TMPRSS7: variants seen among roughly 807,000 people sequenced by gnomAD.
The protein encoded by TMPRSS7 is transmembrane serine protease 7, also known as transmembrane protease serine 7.
Under a neutral mutation model 95.6 loss-of-function variants are expected in TMPRSS7, and 81 were observed. The observed-to-expected ratio is 0.85, with a 90% CI of 0.71 to 1.02. The LOEUF (loss-of-function observed/expected upper bound fraction) is 1.02. TMPRSS7 is among the 50% of genes least tolerant of loss of function. The pLI is 0.00. For missense variants in TMPRSS7, 945 were observed against 955.2 expected (o/e 0.99, Z 0.14); for synonymous variants, 364 against 337.8 (o/e 1.08, Z -0.85).
At chr3:112,072,361 G>A (rs60011279) in intron 13 of TMPRSS7, among the ~76,000 whole-genome samples, 4,668 of 152,260 alleles carry the variant, frequency 0.031, 203 homozygotes, top group African/African-American at 0.091. Flanking sequence ...AGGGGCACCC[G>A]CCTATATGAG....
chr3:112,043,131 G>C (rs957822019), intron 3 of TMPRSS7: 2 of 455,702 alleles, frequency 4.4e-6, no homozygotes, highest in African/African-American at 4.0e-5. Context: ...TGGAGATACT[G>C]TTGTACAAAC....
chr3:112,067,975 A>C (rs1247416765), intron 13 of TMPRSS7, among the ~76,000 whole-genome samples: 1 of 152,236 alleles, frequency 6.6e-6, no homozygotes, highest in African/African-American at 2.4e-5. Context: ...TCTAACATTT[A>C]AATCTTTAAT....
At chr3:112,080,403 G>T (rs968219290) in intron 17 of TMPRSS7, among the ~76,000 whole-genome samples, 1 of 152,134 alleles carries the variant, frequency 6.6e-6, no homozygotes, top group Non-Finnish European at 1.5e-5. Flanking sequence ...AACCACTAAA[G>T]TTGCATGGCC....
chr3:112,038,515 G>C (rs1559950629), intron 2 of TMPRSS7, among the ~76,000 whole-genome samples, 194 bp downstream of exon 2: 2 of 152,144 alleles, frequency 1.3e-5, no homozygotes, highest in South Asian at 4.1e-4. Flanking sequence ...CTGTCACCCA[G>C]GCTGGAGTGT....
intron 7 of TMPRSS7, 64 bp from the exon 8 acceptor site, chr3:112,049,780 A>G: frequency 2.2e-6 from 3 of 1,366,738 alleles, no homozygotes; most frequent in Non-Finnish European, 3.0e-6. Flanking sequence ...AATCGTTTTG[A>G]ATGGAGACCC....
chr3:112,079,246 T>C (rs529820961), intron 17 of TMPRSS7, among the ~76,000 whole-genome samples: 2 of 152,336 alleles, frequency 1.3e-5, no homozygotes, highest in African/African-American at 4.8e-5. Context: ...AAGTATATGC[T>C]GGTGGAAAGA....
At position 112,067,284 on chromosome 3, in the gene TMPRSS7, A is replaced by G. The variant is rs112253805; in HGVS notation, c.1666+782A>G. Among the ~76,000 whole-genome samples the G allele has an allele frequency of 4.1e-3, 629 of 152,350 alleles. 5 individuals carry two copies. The highest frequency in any genetic ancestry group is 0.014 in the African/African-American group (581 of 41,582). On this transcript the variant is annotated intron_variant, in intron 13 of 17. Transcript: ENST00000452346. Reference sequence around the variant, plus strand: ...TTGCTATTGTGAATAGTGCCGCAATAAACATACGTGTGTATGTGTCTTTAT... The same window carrying G: ...TTGCTATTGTGAATAGTGCCGCAATGAACATACGTGTGTATGTGTCTTTAT...
intron 6 of TMPRSS7, 76 bp downstream of exon 6, chr3:112,047,088 T>C (rs972807025): frequency 1.9e-5 from 13 of 691,574 alleles, no homozygotes; most frequent in Non-Finnish European, 5.3e-6. Flanking sequence ...TTCTAATTGA[T>C]GGTATTTGTT....
chr3:112,048,025 C>T, intron 7 of TMPRSS7, 58 bp downstream of exon 7: 1 of 1,518,562 alleles, frequency 6.6e-7, no homozygotes, highest in Non-Finnish European at 9.1e-7. Context: ...CTCTGTTTTA[C>T]AGTATCTGTG....
chr3:112,039,971 G>A (rs1383116688), intron 2 of TMPRSS7, among the ~76,000 whole-genome samples: 1 of 152,170 alleles, frequency 6.6e-6, no homozygotes, highest in Non-Finnish European at 1.5e-5. Context: ...TGTCAGAATT[G>A]AATTGAATCA....
intron 5 of TMPRSS7, among the ~76,000 whole-genome samples, chr3:112,046,455 A>C (rs1256577304): frequency 6.6e-6 from 1 of 152,204 alleles, no homozygotes; most frequent in Non-Finnish European, 1.5e-5. Flanking sequence ...TTTAAATTTT[A>C]TAGATAAAAT....
chr3:112,046,082 C>T (rs2073275039), intron 5 of TMPRSS7, 139 bp downstream of exon 5: 1 of 745,902 alleles, frequency 1.3e-6, no homozygotes, highest in African/African-American at 1.8e-5. Flanking sequence ...TAACTAAAGA[C>T]ATTGGAGCTA....
intron 14 of TMPRSS7, 106 bp downstream of exon 14, chr3:112,074,518 A>G (rs1201202771): frequency 1.2e-6 from 1 of 807,632 alleles, no homozygotes; most frequent in East Asian, 2.7e-5. Flanking sequence ...CGAGGTTGCC[A>G]TAGCCAAAAC....
exon 3 of TMPRSS7, chr3:112,041,925 A>G: frequency 6.5e-7 from 1 of 1,541,920 alleles, no homozygotes; most frequent in Non-Finnish European, 8.8e-7. Flanking sequence ...TACAGGTAAA[A>G]CAGAAAGCAA....
chr3:112,037,820 T>C (rs1484927481), intron 1 of TMPRSS7, among the ~76,000 whole-genome samples: 1 of 152,202 alleles, frequency 6.6e-6, no homozygotes, highest in Admixed American at 6.5e-5. Flanking sequence ...TATCGGGGGC[T>C]GGTTCCCCCA....
chr3:112,056,930 C>A (rs1437913891), intron 9 of TMPRSS7, 95 bp from the exon 10 acceptor site: 2 of 801,286 alleles, frequency 2.5e-6, no homozygotes, highest in Non-Finnish European at 4.0e-6. Context: ...CCACAGGGCG[C>A]AAGTAGAATG....
At chr3:112,044,703 G>A (rs1373915655) in intron 4 of TMPRSS7, among the ~76,000 whole-genome samples, 1 of 152,042 alleles carries the variant, frequency 6.6e-6, no homozygotes, top group Non-Finnish European at 1.5e-5. Context: ...GGGGATTCAT[G>A]GTCAAATAAT....
intron 7 of TMPRSS7, 50 bp downstream of exon 7, chr3:112,048,017 C>T: frequency 6.5e-7 from 1 of 1,547,892 alleles, no homozygotes. Context: ...TTCACAACCT[C>T]TGTTTTACAG....
intron 14 of TMPRSS7, among the ~76,000 whole-genome samples, chr3:112,075,030 A>T (rs530436446): frequency 6.6e-6 from 1 of 152,292 alleles, no homozygotes; most frequent in East Asian, 1.9e-4. Flanking sequence ...TCTTTACCTG[A>T]CAATCTAAAT....
Sources: allele counts gnomAD v4.1 joint callset (sites outside exome capture counted in the v4.1 genomes callset), GRCh38; gene constraint gnomAD v4.1.1; transcripts MANE v1.5; gene names NCBI Gene and HGNC (gene_info 2026-07-23, HGNC 2026-07-21).